The following TGFBR3 variants were observed in gnomAD, a reference collection of about 807,000 sequenced individuals.
TGFBR3 encodes the protein transforming growth factor beta receptor 3, also known as transforming growth factor beta receptor type 3.
Under a neutral mutation model 87.9 loss-of-function variants are expected in TGFBR3, and 46 were observed. That is an observed-to-expected ratio of 0.52 (90% confidence interval 0.41 to 0.67). The LOEUF (loss-of-function observed/expected upper bound fraction) is 0.67. TGFBR3 is among the 30% of genes least tolerant of loss of function. The pLI is 0.00. For missense variants in TGFBR3, 866 were observed against 1,041.9 expected (o/e 0.83, Z 2.32); for synonymous variants, 381 against 391.6 (o/e 0.97, Z 0.32).
intron 3 of TGFBR3, among the ~76,000 whole-genome samples, chr1:91,777,763 C>T (rs1674618565): frequency 6.6e-6 from 1 of 152,174 alleles, no homozygotes; most frequent in South Asian, 2.1e-4. Context: ...CTTTCTGTTA[C>T]AGGTGTTGCT....
intron 1 of TGFBR3, among the ~76,000 whole-genome samples, chr1:91,875,784 C>CGGG (rs1192137391): frequency 4.2e-4 from 2 of 4,752 alleles, no homozygotes; most frequent in East Asian, 8.1e-3. Context: ...GCTACTCGGG[C>CGGG]GGGGGGGGGG....
At chr1:91,859,908 C>CAAAAAAAAAA (rs544117317) in intron 2 of TGFBR3, among the ~76,000 whole-genome samples, 34 of 85,590 alleles carry the variant, frequency 4.0e-4, no homozygotes, top group African/African-American at 1.4e-3. Flanking sequence ...GACTCCATCT[C>CAAAAAAAAAA]AAAAAAAAAA....
chr1:91,786,335 G>T, intron 3 of TGFBR3: 1 of 443,946 alleles, frequency 2.3e-6, no homozygotes, highest in East Asian at 7.0e-5. Flanking sequence ...AAGCTGAAGA[G>T]GCCAGTCCCA....
At position 91,796,667 on chromosome 1, in the gene TGFBR3, C is replaced by T. The variant is rs577606001; in HGVS notation, c.246+620G>A. Among the ~76,000 whole-genome samples the T allele has an allele frequency of 7.2e-5, 11 of 152,284 alleles. No homozygotes were observed. In the South Asian group the frequency reaches 2.3e-3, roughly 32 times the overall value. On this transcript the variant is annotated intron_variant, in intron 3 of 16. Transcript: ENST00000212355. Reference sequence around the variant, plus strand: ...AAATGGGAAAGACATTTCACAACAACAGAGAAAACGGTACCTTATTTGGTT... The same window carrying T: ...AAATGGGAAAGACATTTCACAACAATAGAGAAAACGGTACCTTATTTGGTT...
intron 2 of TGFBR3, among the ~76,000 whole-genome samples, chr1:91,808,947 G>A (rs1675933046): frequency 6.6e-6 from 1 of 152,128 alleles, no homozygotes; most frequent in African/African-American, 2.4e-5. Flanking sequence ...TGAAGGATGG[G>A]AGAAAATAAG....
chr1:91,746,334 G>A (rs1240099706), intron 4 of TGFBR3, among the ~76,000 whole-genome samples: 5 of 152,148 alleles, frequency 3.3e-5, no homozygotes, highest in Admixed American at 1.3e-4. Context: ...TGAAGCACAA[G>A]CTGCTTTCTA....
intron 1 of TGFBR3, 68 bp from the exon 2 acceptor site, chr1:91,861,712 AAC>A (rs1678202390): frequency 4.6e-6 from 3 of 655,404 alleles, no homozygotes; most frequent in East Asian, 5.7e-5. Flanking sequence ...ACTAAAATTA[AAC>A]AGAGAATTTC....
chr1:91,861,385 G>A (rs1678179761), intron 2 of TGFBR3, 86 bp downstream of exon 2: 2 of 1,059,720 alleles, frequency 1.9e-6, no homozygotes, highest in Non-Finnish European at 1.5e-6. Context: ...GGGTAACAGA[G>A]TGAAACTTCA....
chr1:91,787,237 G>T (rs1036221589), intron 3 of TGFBR3, among the ~76,000 whole-genome samples: 2 of 152,080 alleles, frequency 1.3e-5, no homozygotes, highest in Admixed American at 6.5e-5. Context: ...GGAGGCGGAG[G>T]TTGCAGTGAG....
chr1:91,818,023 T>C (rs1676296555), intron 2 of TGFBR3, among the ~76,000 whole-genome samples: 1 of 152,100 alleles, frequency 6.6e-6, no homozygotes, highest in Non-Finnish European at 1.5e-5. Flanking sequence ...TTTTTATTTT[T>C]CCCCCACTCC....
intron 3 of TGFBR3, among the ~76,000 whole-genome samples, chr1:91,766,169 A>T (rs12089762): frequency 0.13 from 19,566 of 150,894 alleles, 1,586 homozygotes; most frequent in East Asian, 0.41. Context: ...CCACAGGCAT[A>T]AACCACCATA....
chr1:91,863,098 G>C (rs1276882690), intron 1 of TGFBR3, among the ~76,000 whole-genome samples: 1 of 152,200 alleles, frequency 6.6e-6, no homozygotes, highest in Non-Finnish European at 1.5e-5. Context: ...TGCAGGACAG[G>C]GGTGGGAGGG....
At chr1:91,731,565 C>T (rs1375559473) in intron 5 of TGFBR3, among the ~76,000 whole-genome samples, 3 of 152,216 alleles carry the variant, frequency 2.0e-5, no homozygotes, top group Non-Finnish European at 2.9e-5. Context: ...CGTGCAGCTG[C>T]AGCCCTGCGG....
rs7535912 is a variant in TGFBR3, at chr1:91,728,233, G to A, written c.738-427C>T. 7.1e-3 allele frequency among the ~76,000 whole-genome samples: 1,077 copies of A among 152,146 alleles called. 14 individuals carry two copies. Among genetic ancestry groups the A allele is most frequent in the African/African-American group, 0.024 (1,011 of 41,504 alleles). ...AGTAGGTGGCAGTTTGGTGAGTTGGGGGCGGGGTGTTGGGATAAGGGAAGC... is the reference window on the plus strand; with the variant it reads ...AGTAGGTGGCAGTTTGGTGAGTTGGAGGCGGGGTGTTGGGATAAGGGAAGC... On this transcript the variant is annotated intron_variant, in intron 6 of 16. Transcript: ENST00000212355.
intron 16 of TGFBR3, among the ~76,000 whole-genome samples, chr1:91,690,415 A>T (rs1374324941): frequency 6.6e-6 from 1 of 152,084 alleles, no homozygotes; most frequent in African/African-American, 2.4e-5. Context: ...TTCGGCAAAC[A>T]TATATTAATA....
intron 15 of TGFBR3, among the ~76,000 whole-genome samples, chr1:91,696,608 C>T (rs1450891319): frequency 6.6e-6 from 1 of 152,118 alleles, no homozygotes; most frequent in Non-Finnish European, 1.5e-5. Flanking sequence ...AGAGAACTAC[C>T]TTCTTTGAGT....
intron 2 of TGFBR3, among the ~76,000 whole-genome samples, chr1:91,850,011 G>A (rs1001332610): frequency 4.8e-5 from 7 of 145,376 alleles, no homozygotes; most frequent in Non-Finnish European, 1.0e-4. Context: ...AACCTGGGAG[G>A]CAGAGCTTGC....
At chr1:91,875,254 A>G (rs1395447847) in intron 1 of TGFBR3, among the ~76,000 whole-genome samples, 3 of 152,198 alleles carry the variant, frequency 2.0e-5, no homozygotes, top group Non-Finnish European at 4.4e-5. Flanking sequence ...AGGAGCTGGC[A>G]GCAGTGAGAG....
rs1291701408 is a variant in TGFBR3 at position 91,746,382 on chromosome 1, A to C, written c.385-11423T>G. Among the ~76,000 whole-genome samples, 4 of 152,192 alleles carry C rather than the reference A, an allele frequency of 2.6e-5. No homozygotes were observed. In the East Asian group the frequency reaches 7.7e-4, roughly 29 times the overall value. On this transcript the variant is annotated intron_variant, in intron 4 of 16. Coordinates refer to ENST00000212355, the MANE Select transcript of TGFBR3 (RefSeq NM_003243.5). Reference sequence around the variant, plus strand: ...AAAGTAGAGTCCCAGGCCACACAGGAATCCTGTCCAGCTTTACAAAAAATT... The same window carrying C: ...AAAGTAGAGTCCCAGGCCACACAGGCATCCTGTCCAGCTTTACAAAAAATT...
Sources: allele counts gnomAD v4.1 joint callset (sites outside exome capture counted in the v4.1 genomes callset), GRCh38; gene constraint gnomAD v4.1.1; transcripts MANE v1.5; gene names NCBI Gene and HGNC (gene_info 2026-07-23, HGNC 2026-07-21).